AP3S2: variants seen among roughly 807,000 people sequenced by gnomAD.
The protein encoded by AP3S2 is AP-3 complex subunit sigma-2.
In AP3S2, 22 loss-of-function variants were observed where a neutral mutation model predicts 23.4. The ratio of observed to expected loss-of-function variants is 0.94; its 90% CI spans 0.67 to 1.34. The LOEUF is 1.34. Among genes scored for constraint, AP3S2 ranks in the 40% most tolerant of loss-of-function variants. The pLI is 0.00. For missense variants in AP3S2, 241 were observed against 236.9 expected, an observed-to-expected ratio of 1.02 and a Z score of -0.11; for synonymous variants, 86 against 87.1, an observed-to-expected ratio of 0.99 and a Z score of 0.07.
At position 89,856,575 on chromosome 15, in the gene AP3S2, A is replaced by G. The variant is rs527773404; in HGVS notation, c.345+14900T>C. Among the ~76,000 whole-genome samples the G allele has an allele frequency of 2.2e-4, 34 of 152,008 alleles. No individual in the cohort carries two copies. The South Asian group carries it at 5.8e-3, about 26-fold the overall frequency. ...AAATTAGCCAGGCATGGTGGTGCGC[A>G]CCTGTAATCCCAGCTACTCGGAAGG... On this transcript the variant is annotated intron_variant, in intron 4 of 5. Coordinates refer to ENST00000336418, the MANE Select transcript of AP3S2 (RefSeq NM_005829.5).
At chr15:89,854,118 T>TG (rs1228806733) in intron 4 of AP3S2, among the ~76,000 whole-genome samples, 1 of 28,754 alleles carries the variant, frequency 3.5e-5, no homozygotes, top group Non-Finnish European at 6.6e-5. Context: ...GGGAGGGAGG[T>TG]GGGGGGGTCA....
At chr15:89,854,017 T>TGG (rs1385732741) in intron 4 of AP3S2, among the ~76,000 whole-genome samples, 1 of 36,474 alleles carries the variant, frequency 2.7e-5, no homozygotes, top group Admixed American at 3.2e-4. Context: ...GGGAGGGACG[T>TGG]GGGGGGGGGG....
intron 4 of AP3S2, among the ~76,000 whole-genome samples, chr15:89,845,988 T>A (rs1173640917): frequency 6.6e-6 from 1 of 152,148 alleles, no homozygotes; most frequent in Non-Finnish European, 1.5e-5. Flanking sequence ...TAAAAATAAT[T>A]ACAACCAGGA....
intron 3 of AP3S2, among the ~76,000 whole-genome samples, chr15:89,885,488 C>A (rs1325913376): frequency 6.6e-6 from 1 of 152,212 alleles, no homozygotes. Flanking sequence ...CAGGCATGTG[C>A]CACTGCCCCA....
chr15:89,888,467 A>T (rs887260594), intron 3 of AP3S2, 54 bp downstream of exon 3: 28 of 1,583,376 alleles, frequency 1.8e-5, no homozygotes, highest in Non-Finnish European at 2.4e-5. Context: ...GGTTACTCAA[A>T]AATCCCGTGG....
chr15:89,837,556 C>A, intron 5 of AP3S2, 59 bp downstream of exon 5: 1 of 1,602,918 alleles, frequency 6.2e-7, no homozygotes, highest in South Asian at 1.1e-5. Flanking sequence ...TGTACACACT[C>A]CTGCCTCTGC....
intron 1 of AP3S2, among the ~76,000 whole-genome samples, chr15:89,890,962 A>G (rs1896807577): frequency 6.6e-6 from 1 of 152,232 alleles, no homozygotes; most frequent in South Asian, 2.1e-4. Context: ...CCATTTAAAG[A>G]ACAAACAAAG....
chr15:89,852,501 G>A (rs1895682061), intron 4 of AP3S2: 1 of 152,130 alleles, frequency 6.6e-6, no homozygotes, highest in African/African-American at 2.4e-5. Context: ...AGCAACAACT[G>A]TCAGAGAGTT....
At chr15:89,892,478 C>T (rs540591894) in intron 1 of AP3S2, among the ~76,000 whole-genome samples, 1 of 152,004 alleles carries the variant, frequency 6.6e-6, no homozygotes, top group Non-Finnish European at 1.5e-5. Flanking sequence ...TCAAGACCAG[C>T]CTGGGCAACA....
chr15:89,850,635 C>G (rs546656511), intron 4 of AP3S2: 4 of 153,666 alleles, frequency 2.6e-5, no homozygotes, highest in Admixed American at 6.5e-5. Flanking sequence ...TAGAGTTGAA[C>G]AAGTTGAATG....
At chr15:89,885,704 G>A (rs1213331798) in intron 3 of AP3S2, among the ~76,000 whole-genome samples, 2 of 151,970 alleles carry the variant, frequency 1.3e-5, no homozygotes, top group Admixed American at 1.3e-4. Context: ...CAATTTGGGA[G>A]GCCAAAGTGG....
chr15:89,878,185 G>A, intron 3 of AP3S2: 2 of 605,962 alleles, frequency 3.3e-6, no homozygotes, highest in Non-Finnish European at 2.9e-6. Flanking sequence ...CAAATAAGCT[G>A]GGTGGTGATG....
chr15:89,843,499 G>T (rs937327219), intron 4 of AP3S2, among the ~76,000 whole-genome samples: 2 of 152,122 alleles, frequency 1.3e-5, no homozygotes, highest in Middle Eastern at 3.4e-3. Flanking sequence ...TTAGCCAGGT[G>T]TGGTGGCATG....
intron 4 of AP3S2, chr15:89,845,771 C>T (rs1487639829): frequency 6.6e-6 from 1 of 152,182 alleles, no homozygotes; most frequent in African/African-American, 2.4e-5. Context: ...AAGAAAGAGG[C>T]TAAGTCTTCG....
intron 4 of AP3S2, among the ~76,000 whole-genome samples, chr15:89,864,867 G>C (rs1305651698): frequency 6.6e-6 from 1 of 151,976 alleles, no homozygotes; most frequent in African/African-American, 2.4e-5. Flanking sequence ...TTAAATCACA[G>C]GCAGACAACC....
chr15:89,856,899 AAAAG>A (rs1176497857), intron 4 of AP3S2, among the ~76,000 whole-genome samples: 1 of 151,668 alleles, frequency 6.6e-6, no homozygotes, highest in Non-Finnish European at 1.5e-5. Context: ...AAAAGAAAAG[AAAAG>A]AAAAAGAAAC....
At chr15:89,864,000 A>G (rs999108830) in intron 4 of AP3S2, among the ~76,000 whole-genome samples, 1 of 152,236 alleles carries the variant, frequency 6.6e-6, no homozygotes, top group African/African-American at 2.4e-5. Context: ...CAGACATTCT[A>G]AAGCTGAATA....
rs191243708 is a variant in AP3S2, at chr15:89,843,863, C to T, written c.346-6141G>A. On this transcript the variant is annotated intron_variant, in intron 4 of 5. Transcript: ENST00000336418. ...AACTACGGCAAAAACTTACGGTGAGCACTGAAAACTACTTAACTGTAGGTC... is the reference window on the plus strand; with the variant it reads ...AACTACGGCAAAAACTTACGGTGAGTACTGAAAACTACTTAACTGTAGGTC... Among the ~76,000 whole-genome samples the T allele has an allele frequency of 2.0e-5, 3 of 152,188 alleles. No homozygotes were observed. The East Asian group carries it at 5.8e-4, about 29-fold the overall frequency.
At chr15:89,852,858 A>G (rs975089140) in intron 4 of AP3S2, among the ~76,000 whole-genome samples, 12 of 152,164 alleles carry the variant, frequency 7.9e-5, no homozygotes, top group African/African-American at 2.9e-4. Context: ...CCAAAGCTGT[A>G]ACATCCCTAA....
Sources: allele counts gnomAD v4.1 joint callset (sites outside exome capture counted in the v4.1 genomes callset), GRCh38; gene constraint gnomAD v4.1.1; transcripts MANE v1.5; gene names NCBI Gene and HGNC (gene_info 2026-07-23, HGNC 2026-07-21).